Variants in PLXNA2 observed in about 807,000 individuals in gnomAD.
The protein encoded by PLXNA2 is plexin-A2.
PLXNA2 carries 91 observed loss-of-function variants against 193.5 expected under a neutral mutation model. The observed-to-expected ratio is 0.47, with a 90% CI of 0.40 to 0.56. PLXNA2 has a LOEUF of 0.56. Among genes scored for constraint, PLXNA2 ranks in the 20% least tolerant of loss-of-function variants. The pLI is 0.00. For synonymous variants in PLXNA2, 997 were observed against 1,027.3 expected, an observed-to-expected ratio of 0.97 and a Z score of 0.56; for missense variants, 1,995 against 2,503.2, an observed-to-expected ratio of 0.80 and a Z score of 4.33.
At chr1:208,084,816 TA>T (rs1407945849) in intron 9 of PLXNA2, among the ~76,000 whole-genome samples, 2 of 152,226 alleles carry the variant, frequency 1.3e-5, no homozygotes, top group Non-Finnish European at 2.9e-5. Context: ...ATTCAGGAAT[TA>T]ATTTTCAAGC....
intron 29 of PLXNA2, chr1:208,031,141 A>G (rs1664489812): frequency 1.0e-6 from 1 of 1,000,996 alleles, no homozygotes; most frequent in Non-Finnish European, 1.2e-6. Flanking sequence ...CGGGCGTCTC[A>G]GTTTAATTCA....
In PLXNA2 at chr1:208,244,246, C is replaced by A. The variant is rs1309631667; in HGVS notation, c.-684G>T. ...AATTCCCAGCAACTGCCCTCCGCCG[C>A]CCTCCCGCTCCAGTCTGGCGCGGAT... On this transcript the variant is annotated 5_prime_UTR_variant, in exon 1 of 32. Transcript: ENST00000367033. 2 of 183,114 alleles carry A rather than the reference C, an allele frequency of 1.1e-5. No individual in the cohort carries two copies. Among genetic ancestry groups the A allele is most frequent in the South Asian group, 9.1e-5 (1 of 10,944 alleles). 11.3% of individuals were successfully genotyped at this position (183,114 alleles called of 1,614,324 possible). A position where few individuals can be genotyped will look rare whatever the true frequency, so the allele number is the denominator to read the frequency against.
intron 2 of PLXNA2, among the ~76,000 whole-genome samples, chr1:208,215,001 G>A (rs1466500259): frequency 6.6e-6 from 1 of 151,666 alleles, no homozygotes; most frequent in Non-Finnish European, 1.5e-5. Flanking sequence ...TAAGATCTGT[G>A]AGACTAGTGA....
chr1:208,058,596 C>A (rs1286941020), intron 13 of PLXNA2, among the ~76,000 whole-genome samples: 4 of 152,120 alleles, frequency 2.6e-5, no homozygotes, highest in Non-Finnish European at 5.9e-5. Context: ...CAGCTGGAAA[C>A]CAGGGCTGCA....
chr1:208,200,733 G>C (rs1168796611), intron 3 of PLXNA2, among the ~76,000 whole-genome samples: 2 of 151,906 alleles, frequency 1.3e-5, no homozygotes, highest in African/African-American at 4.8e-5. Context: ...TTAGTAGCTG[G>C]GATTGCAGGC....
chr1:208,234,816 G>T (rs1471902862), intron 1 of PLXNA2, among the ~76,000 whole-genome samples: 3 of 152,176 alleles, frequency 2.0e-5, no homozygotes, highest in Non-Finnish European at 4.4e-5. Flanking sequence ...GATCAAGAGA[G>T]TGTGGCGGGT....
At chr1:208,061,369 T>C (rs1169365207) in intron 12 of PLXNA2, among the ~76,000 whole-genome samples, 1 of 152,122 alleles carries the variant, frequency 6.6e-6, no homozygotes, top group Admixed American at 6.5e-5. Flanking sequence ...ATGATGAATA[T>C]GACAGGAAAT....
chr1:208,170,446 A>G (rs1239210510), intron 3 of PLXNA2, among the ~76,000 whole-genome samples: 1 of 152,164 alleles, frequency 6.6e-6, no homozygotes, highest in Non-Finnish European at 1.5e-5. Context: ...GATCTGAACC[A>G]CGGCCAGGAG....
chr1:208,125,497 C>T (rs1040375994), intron 4 of PLXNA2, among the ~76,000 whole-genome samples: 2 of 152,122 alleles, frequency 1.3e-5, no homozygotes, highest in Admixed American at 6.6e-5. Context: ...TGAGAGAAAT[C>T]GCATTCTGAG....
intron 3 of PLXNA2, among the ~76,000 whole-genome samples, chr1:208,191,744 C>T (rs975740758): frequency 3.3e-5 from 5 of 152,222 alleles, no homozygotes; most frequent in African/African-American, 4.8e-5. Flanking sequence ...TCTTCTTAAA[C>T]GCAGTGCTCT....
chr1:208,180,228 G>A (rs1182389971), intron 3 of PLXNA2, among the ~76,000 whole-genome samples: 2 of 151,896 alleles, frequency 1.3e-5, no homozygotes, highest in African/African-American at 4.8e-5. Context: ...GAAAGGGGGT[G>A]GAGTGGTAGG....
intron 1 of PLXNA2, among the ~76,000 whole-genome samples, chr1:208,239,120 G>A (rs191482352): frequency 5.3e-4 from 80 of 150,894 alleles, no homozygotes; most frequent in African/African-American, 1.8e-3. Flanking sequence ...TGGGAGTTTC[G>A]AATATATCTC....
chr1:208,204,213 G>T lies in PLXNA2; in HGVS notation c.1371+6067C>A, dbSNP rs140767477. Among the ~76,000 whole-genome samples the T allele has an allele frequency of 3.4e-3, 523 of 152,316 alleles. 2 individuals are homozygous for T. Among genetic ancestry groups the T allele is most frequent in the African/African-American group, 0.012 (506 of 41,574 alleles). ...TCCCCAGAGCTTGGAAAGTCTCTGA[G>T]GATTTGCAAAAACATCCCAAGAGTC... On this transcript the variant is annotated intron_variant, in intron 3 of 31. Transcript: ENST00000367033.
chr1:208,079,568 A>C (rs1204267257), intron 11 of PLXNA2, 118 bp from the exon 12 acceptor site: 1 of 709,628 alleles, frequency 1.4e-6, no homozygotes, highest in East Asian at 2.7e-5. Flanking sequence ...TAACACCACC[A>C]ATCATCATTA....
intron 24 of PLXNA2, 24 bp downstream of exon 24, chr1:208,039,597 G>A (rs1260647671): frequency 3.1e-6 from 5 of 1,612,354 alleles, no homozygotes; most frequent in South Asian, 1.1e-5. Context: ...ACACAGGCGG[G>A]CCCGGAGCTT....
chr1:208,060,238 A>C (rs1226015432), intron 13 of PLXNA2, among the ~76,000 whole-genome samples: 1 of 152,158 alleles, frequency 6.6e-6, no homozygotes, highest in African/African-American at 2.4e-5. Context: ...TCCAGCTGAC[A>C]TTTCCCTTAG....
intron 12 of PLXNA2, among the ~76,000 whole-genome samples, chr1:208,074,569 T>TG (rs1666085075): frequency 6.6e-6 from 1 of 152,206 alleles, no homozygotes; most frequent in Non-Finnish European, 1.5e-5. Context: ...GTCCCTCGGG[T>TG]GGGCCTGGTT....
chr1:208,146,842 T>G (rs1303729931), intron 3 of PLXNA2, among the ~76,000 whole-genome samples: 1 of 152,076 alleles, frequency 6.6e-6, no homozygotes, highest in Non-Finnish European at 1.5e-5. Context: ...ACAGGTGGAA[T>G]GAGTCACTGG....
At chr1:208,066,220 A>C (rs935620534) in intron 12 of PLXNA2, among the ~76,000 whole-genome samples, 3 of 152,228 alleles carry the variant, frequency 2.0e-5, no homozygotes, top group Admixed American at 2.0e-4. Flanking sequence ...GGACCTCAGA[A>C]GTGAGAGCTA....
Sources: gnomAD v4.1 joint callset for allele counts (sites outside exome capture counted in the v4.1 genomes callset) on GRCh38, gnomAD v4.1.1 for gene constraint, MANE v1.5 for transcripts, NCBI Gene and HGNC (gene_info 2026-07-23, HGNC 2026-07-21) for gene names.